The following XKR4 variants were observed in gnomAD, a reference collection of about 807,000 sequenced individuals.
The protein encoded by XKR4 is XK-related protein 4.
Under a neutral mutation model 53.9 loss-of-function variants are expected in XKR4, and 12 were observed. The ratio of observed to expected loss-of-function variants is 0.22; its 90% confidence interval spans 0.14 to 0.36. XKR4 has a LOEUF of 0.36. XKR4 is among the 10% of genes least tolerant of loss of function. The pLI, the probability that XKR4 is intolerant of heterozygous loss-of-function variation, is 1.00. For missense variants in XKR4, 799 were observed against 859.5 expected (o/e 0.93, Z 0.88); for synonymous variants, 354 against 362.4 (o/e 0.98, Z 0.26).
chr8:55,258,148 C>T (rs1047957670), intron 1 of XKR4, among the ~76,000 whole-genome samples: 1 of 152,186 alleles, frequency 6.6e-6, no homozygotes, highest in Non-Finnish European at 1.5e-5. Flanking sequence ...AGGTTTTGCT[C>T]AGTGGTTTTA....
chr8:55,160,910 A>T (rs1480755099), intron 1 of XKR4, among the ~76,000 whole-genome samples: 1 of 152,242 alleles, frequency 6.6e-6, no homozygotes, highest in Non-Finnish European at 1.5e-5. Flanking sequence ...CACACAAAAA[A>T]GTTTGAAGGC....
chr8:55,201,412 C>A (rs1817575877), intron 1 of XKR4, among the ~76,000 whole-genome samples: 2 of 152,194 alleles, frequency 1.3e-5, no homozygotes, highest in Non-Finnish European at 2.9e-5. Flanking sequence ...AAGGAGACTA[C>A]TCTGTTATAT....
chr8:55,197,731 G>C (rs1003718739), intron 1 of XKR4, among the ~76,000 whole-genome samples: 1 of 152,050 alleles, frequency 6.6e-6, no homozygotes, highest in Non-Finnish European at 1.5e-5. Context: ...TTTTAGTAGA[G>C]ACAGGGTTTC....
chr8:55,428,756 C>T (rs904116953), intron 2 of XKR4, among the ~76,000 whole-genome samples: 7 of 152,272 alleles, frequency 4.6e-5, no homozygotes, highest in African/African-American at 1.7e-4. Context: ...AATTATAAAG[C>T]ACTGACGAAA....
intron 1 of XKR4, among the ~76,000 whole-genome samples, chr8:55,316,739 T>C (rs982114171): frequency 2.0e-4 from 30 of 152,104 alleles, no homozygotes; most frequent in African/African-American, 7.2e-4. Flanking sequence ...CTTCCTCCGA[T>C]CCACTCCACC....
chr8:55,310,777 G>A (rs894174773), intron 1 of XKR4, among the ~76,000 whole-genome samples: 1 of 152,188 alleles, frequency 6.6e-6, no homozygotes, highest in Non-Finnish European at 1.5e-5. Context: ...CTCAGAAGCC[G>A]ACCCTGAGTG....
intron 1 of XKR4, among the ~76,000 whole-genome samples, chr8:55,152,300 A>T (rs1259504456): frequency 6.6e-6 from 1 of 152,220 alleles, no homozygotes; most frequent in East Asian, 1.9e-4. Flanking sequence ...CATACTGTTT[A>T]AAGTTAGATG....
chr8:55,461,803 A>T (rs1315192048), intron 2 of XKR4, among the ~76,000 whole-genome samples: 2 of 152,252 alleles, frequency 1.3e-5, no homozygotes, highest in Non-Finnish European at 2.9e-5. Flanking sequence ...CTGAAAACCA[A>T]GGCACGAGAA....
At chr8:55,205,471 T>A (rs1467188489) in intron 1 of XKR4, among the ~76,000 whole-genome samples, 1 of 152,130 alleles carries the variant, frequency 6.6e-6, no homozygotes. Flanking sequence ...GTACTTAGGA[T>A]GACAACAAAC....
At position 55,103,134 on chromosome 8, in the gene XKR4, G is replaced by T. The variant is rs1451776429; in HGVS notation, c.646G>T (p.Ala216Ser). ...TCGTCCTTCCACGCCGCAAAGGCAAGCATCTAACGCCAGCAAGAGCAACAT... is the reference window on the plus strand; with the variant it reads ...TCGTCCTTCCACGCCGCAAAGGCAATCATCTAACGCCAGCAAGAGCAACAT... ...EARPSTPQRQ[A>S]SNASKSNIAA... The change falls in exon 1 of 3, where the codon GCA (alanine) becomes TCA (serine). Residue 216 changes from alanine (A) to serine (S), a missense_variant. Around this residue, in one of 3 missense-constraint regions of XKR4, gnomAD observed 476 missense variants for 505.4 expected, o/e 0.94. Coordinates refer to ENST00000327381, the MANE Select transcript of XKR4 (RefSeq NM_052898.2). 3 of 1,613,738 alleles carry T rather than the reference G, an allele frequency of 1.9e-6. No homozygotes were observed. In the African/African-American group the frequency reaches 4.0e-5, roughly 22 times the overall value.
Position 55,331,203 on chromosome 8 carries a change from C to A in XKR4, c.807-26475C>A, listed in dbSNP as rs1467061187. Among the ~76,000 whole-genome samples, 3 of 152,016 alleles carry A rather than the reference C, an allele frequency of 2.0e-5. 1 individual carries two copies. The highest frequency in any genetic ancestry group is 1.3e-4 in the Admixed American group (2 of 15,248). On this transcript the variant is annotated intron_variant, in intron 1 of 2. Coordinates refer to ENST00000327381, the MANE Select transcript of XKR4 (RefSeq NM_052898.2). ...TTCTAATTTTCCTTGTGATTTCTTC[C>A]TTGGGCCATTGATTATTTAACAGTA...
intron 2 of XKR4, among the ~76,000 whole-genome samples, chr8:55,507,879 G>A (rs551656206): frequency 7.2e-5 from 11 of 152,276 alleles, no homozygotes; most frequent in African/African-American, 2.6e-4. Context: ...TGGGATGACT[G>A]AGTCAAATGG....
intron 1 of XKR4, among the ~76,000 whole-genome samples, chr8:55,289,716 AG>A (rs1345253880): frequency 1.5e-5 from 1 of 67,642 alleles, no homozygotes; most frequent in East Asian, 4.8e-4. Context: ...AAAGAAAGAG[AG>A]AGAAAGAGAA....
At chr8:55,461,936 A>C (rs1251440231) in intron 2 of XKR4, among the ~76,000 whole-genome samples, 2 of 152,222 alleles carry the variant, frequency 1.3e-5, no homozygotes, top group Non-Finnish European at 2.9e-5. Context: ...AAAGAATACA[A>C]AGAAACAAAC....
chr8:55,110,585 CT>C (rs537823998), intron 1 of XKR4, among the ~76,000 whole-genome samples: 44 of 152,162 alleles, frequency 2.9e-4, no homozygotes, highest in Admixed American at 2.7e-3. Context: ...TACCCCAGCT[CT>C]TTTTTTAGAT....
intron 2 of XKR4, among the ~76,000 whole-genome samples, chr8:55,508,464 C>A (rs994384641): frequency 6.6e-5 from 10 of 152,206 alleles, no homozygotes; most frequent in African/African-American, 2.4e-4. Context: ...AGTCCCTACC[C>A]TCATGAATGC....
intron 1 of XKR4, among the ~76,000 whole-genome samples, chr8:55,214,596 C>A (rs1447216840): frequency 6.6e-6 from 1 of 152,132 alleles, no homozygotes; most frequent in Non-Finnish European, 1.5e-5. Flanking sequence ...TTTTAAAACA[C>A]CACAGATTCA....
chr8:55,504,464 C>T (rs182734221), intron 2 of XKR4, among the ~76,000 whole-genome samples: 1 of 152,142 alleles, frequency 6.6e-6, no homozygotes, highest in African/African-American at 2.4e-5. Flanking sequence ...ATCTGCCCAC[C>T]TCAGCCTCCC....
intron 2 of XKR4, among the ~76,000 whole-genome samples, chr8:55,493,766 C>G (rs1017864475): frequency 3.3e-5 from 5 of 152,156 alleles, no homozygotes; most frequent in Admixed American, 6.5e-5. Flanking sequence ...GATGACTGTG[C>G]CCTTTACCCA....
Sources: allele counts gnomAD v4.1 joint callset (sites outside exome capture counted in the v4.1 genomes callset), GRCh38; gene constraint gnomAD v4.1.1; regional missense constraint gnomAD v4.1.1; transcripts MANE v1.5; gene names NCBI Gene and HGNC (gene_info 2026-07-23, HGNC 2026-07-21).